The following DNAH5 variants were observed in gnomAD, a reference collection of about 807,000 sequenced individuals.
DNAH5 encodes the protein dynein axonemal heavy chain 5, also known as axonemal beta dynein heavy chain 5.
A neutral mutation model predicts 518.2 loss-of-function variants in DNAH5; 372 were observed. That is an observed-to-expected ratio of 0.72 (90% confidence interval 0.66 to 0.78). The LOEUF (loss-of-function observed/expected upper bound fraction) is 0.78. DNAH5 is among the 30% of genes least tolerant of loss of function. DNAH5 has a pLI of 0.00. For missense variants in DNAH5, 5,523 were observed against 5,687.0 expected (o/e 0.97, Z 0.93); for synonymous variants, 2,039 against 2,025.9 (o/e 1.01, Z -0.17).
At chr5:13,793,480 C>T in intron 49 of DNAH5, 35 bp downstream of exon 49, 1 of 1,577,450 alleles carries the variant, frequency 6.3e-7, no homozygotes, top group Non-Finnish European at 8.7e-7. Context: ...GGTGTTCTTC[C>T]TCACCCTCCC....
chr5:13,740,063 T>G (rs1748211741), intron 65 of DNAH5, among the ~76,000 whole-genome samples: 1 of 152,070 alleles, frequency 6.6e-6, no homozygotes, highest in African/African-American at 2.4e-5. Flanking sequence ...ATGGCAACAC[T>G]ATTCTTCTAG....
At chr5:13,812,306 G>GT (rs199619165) in intron 43 of DNAH5, among the ~76,000 whole-genome samples, 51 of 151,420 alleles carry the variant, frequency 3.4e-4, no homozygotes, top group African/African-American at 8.5e-4. Context: ...CCATACCCAG[G>GT]TTTTTTTTTC....
rs183972440 is a variant in DNAH5, at chr5:13,768,200, G to A, written c.9897+760C>T. On this transcript the variant is annotated intron_variant, in intron 58 of 78. Transcript: ENST00000265104. ...CCACATGTCAAGGGAGGGACCTGGT[G>A]GGAGGTGATTGGATCATGGGGACAG... is the stretch of plus-strand genomic sequence containing the variant. Among the ~76,000 whole-genome samples, 23 of 152,274 alleles carry A rather than the reference G, an allele frequency of 1.5e-4. No homozygotes were observed. In the East Asian group the frequency reaches 3.7e-3, roughly 24 times the overall value.
At chr5:13,769,436 G>A in intron 57 of DNAH5, 65 bp downstream of exon 57, 1 of 1,277,198 alleles carries the variant, frequency 7.8e-7, no homozygotes, top group African/African-American at 1.5e-5. Flanking sequence ...AATATGCATA[G>A]ATCATTAACA....
At chr5:13,803,573 G>A (rs1199598602) in intron 47 of DNAH5, among the ~76,000 whole-genome samples, 1 of 152,216 alleles carries the variant, frequency 6.6e-6, no homozygotes. Flanking sequence ...TTCAGACAAT[G>A]CTTGAATCTC....
At chr5:13,752,331 A>T (rs987371511) in intron 63 of DNAH5, 42 bp from the exon 64 acceptor site, 2 of 1,602,228 alleles carry the variant, frequency 1.2e-6, no homozygotes, top group East Asian at 4.5e-5. Flanking sequence ...AGACATTACC[A>T]TGAAGCAATG....
intron 12 of DNAH5, among the ~76,000 whole-genome samples, chr5:13,908,615 T>A (rs930469443): frequency 1.3e-5 from 2 of 152,300 alleles, no homozygotes; most frequent in Non-Finnish European, 1.5e-5. Flanking sequence ...CAGTTTTCCT[T>A]TAACTCAGCT....
intron 44 of DNAH5, 101 bp from the exon 45 acceptor site, chr5:13,810,361 T>C (rs1760456667): frequency 2.0e-6 from 2 of 1,010,572 alleles, no homozygotes; most frequent in Non-Finnish European, 1.5e-6. Context: ...AAGACACTAG[T>C]TGCCCTCCAA....
At chr5:13,765,729 GTCT>G (rs752761772) in intron 59 of DNAH5, among the ~76,000 whole-genome samples, 1 of 152,168 alleles carries the variant, frequency 6.6e-6, no homozygotes. Context: ...CATACTTATT[GTCT>G]TCTTAAAATG....
rs76655766 is a variant in DNAH5 at position 13,944,234 on chromosome 5, C to T, written c.57+148G>A. 4,616 of 794,212 alleles carry T rather than the reference C, an allele frequency of 5.8e-3. 155 individuals carry two copies. The African/African-American group carries it at 0.069, about 12-fold the overall frequency. The allele number at this position is 794,212 out of a possible 1,614,324, so 49.2% of individuals were successfully genotyped here. The stretch of plus-strand genomic sequence containing the variant: ...TTAAAAAATGAATATGTAGCCTATG[C>T]ACCAGGTGAACATTAGTTAAAAAAT... On this transcript the variant is annotated intron_variant, in intron 1 of 78. Transcript: ENST00000265104.
In DNAH5 at chr5:13,797,524, G is replaced by C. The variant is rs576619516; in HGVS notation, c.7888-3466C>G. Among the ~76,000 whole-genome samples, 3 of 152,240 alleles carry C rather than the reference G, an allele frequency of 2.0e-5. No homozygotes were observed. The South Asian group carries it at 6.2e-4, about 32-fold the overall frequency. Reference sequence around the variant, plus strand: ...ATGAGATACCATCTCATGCCAATCAGAATGGCAATCATTAAAAAGTCAGGA... The same window carrying C: ...ATGAGATACCATCTCATGCCAATCACAATGGCAATCATTAAAAAGTCAGGA... On this transcript the variant is annotated intron_variant, in intron 47 of 78. Coordinates refer to ENST00000265104, the MANE Select transcript of DNAH5 (RefSeq NM_001369.3).
At chr5:14,002,539 G>A (rs1784433048) in intron 1 of DNAH5, among the ~76,000 whole-genome samples, 1 of 151,906 alleles carries the variant, frequency 6.6e-6, no homozygotes, top group African/African-American at 2.4e-5. Flanking sequence ...TGGTTTGTCT[G>A]GCAAAACAAT....
At chr5:13,906,808 G>T (rs1403128035) in intron 12 of DNAH5, among the ~76,000 whole-genome samples, 1 of 152,080 alleles carries the variant, frequency 6.6e-6, no homozygotes, top group East Asian at 1.9e-4. Context: ...ATTAAAATTT[G>T]TAAGAAACAG....
chr5:13,870,949 C>T lies in DNAH5; in HGVS notation c.3652G>A (p.Gly1218Arg), dbSNP rs542386683. 6.2e-7 allele frequency: 1 copy of T among 1,613,730 alleles called. No individual in the cohort carries two copies. The highest frequency in any genetic ancestry group is 1.3e-5 in the African/African-American group (1 of 74,988). The change falls in exon 24 of 79, where the codon GGA becomes AGA. Residue 1218 changes from glycine to arginine, a missense_variant. Transcript: ENST00000265104. Reference protein sequence around the residue: ...AETKAWMVVIGRHCNKKYRSE... With the variant: ...AETKAWMVVIRRHCNKKYRSE... ...CGGTATTTTTTGTTACAGTGGCGTC[C>T]AATGACAACCATCCAGGCCTTTGTC...
intron 29 of DNAH5, among the ~76,000 whole-genome samples, chr5:13,860,885 T>C (rs948306683): frequency 2.6e-5 from 4 of 152,226 alleles, no homozygotes; most frequent in Non-Finnish European, 5.9e-5. Context: ...GTCGTATTAT[T>C]GCATAAAAGT....
chr5:14,000,004 AG>A (rs954611928), intron 1 of DNAH5, among the ~76,000 whole-genome samples: 6 of 152,258 alleles, frequency 3.9e-5, no homozygotes, highest in African/African-American at 1.4e-4. Context: ...TACTGATAAT[AG>A]GTTCATGCAT....
chr5:13,898,570 C>T, intron 15 of DNAH5: 1 of 398,574 alleles, frequency 2.5e-6, no homozygotes, highest in African/African-American at 2.1e-5. Context: ...TTACTTCTGC[C>T]ACTTTGTAGC....
chr5:13,835,900 G>A (rs541532084), intron 35 of DNAH5, among the ~76,000 whole-genome samples: 24 of 152,208 alleles, frequency 1.6e-4, no homozygotes, highest in African/African-American at 2.6e-4. Context: ...TCCAGTCATC[G>A]GAGCCATACC....
chr5:13,802,614 C>A (rs575004429), intron 47 of DNAH5, among the ~76,000 whole-genome samples: 3 of 152,260 alleles, frequency 2.0e-5, no homozygotes, highest in African/African-American at 2.4e-5. Flanking sequence ...GTTTCCCCAA[C>A]AAGACAAAGG....
Sources: gnomAD v4.1 joint callset for allele counts (sites outside exome capture counted in the v4.1 genomes callset) on GRCh38, gnomAD v4.1.1 for gene constraint, MANE v1.5 for transcripts, NCBI Gene and HGNC (gene_info 2026-07-23, HGNC 2026-07-21) for gene names.